Variants in DHRSX observed in about 807,000 individuals in gnomAD.
DHRSX encodes the protein polyprenol dehydrogenase.
In DHRSX, 31 loss-of-function variants were observed where a neutral mutation model predicts 34.0. The ratio of observed to expected loss-of-function variants is 0.91; its 90% CI spans 0.69 to 1.23. The LOEUF (loss-of-function observed/expected upper bound fraction) is 1.23, where lower values mean the gene tolerates loss of function less well. Ranked by LOEUF, DHRSX falls within the 50% of genes most tolerant of loss-of-function variation. The pLI is 0.00. For missense variants in DHRSX, 414 were observed against 428.1 expected (o/e 0.97, Z 0.29); for synonymous variants, 201 against 183.8 (o/e 1.09, Z -0.76).
chrX:2,369,255 G>A (rs1467787911), intron 3 of DHRSX, among the ~76,000 whole-genome samples: 1 of 152,196 alleles, frequency 6.6e-6, no homozygotes, highest in African/African-American at 2.4e-5. Flanking sequence ...GTCTGAAGAT[G>A]GGTGATACCA....
chrX:2,249,866 A>G (rs1190883862), intron 5 of DHRSX, among the ~76,000 whole-genome samples: 2 of 151,698 alleles, frequency 1.3e-5, no homozygotes, highest in Non-Finnish European at 2.9e-5. Flanking sequence ...AATTGATCTT[A>G]AAAAAATAAA....
At chrX:2,317,981 A>G (rs749144472) in intron 3 of DHRSX, among the ~76,000 whole-genome samples, 1 of 152,178 alleles carries the variant, frequency 6.6e-6, no homozygotes, top group African/African-American at 2.4e-5. Context: ...TTTCCTTATG[A>G]GCAATTTGTG....
chrX:2,449,823 G>A (rs1438136420), intron 1 of DHRSX, among the ~76,000 whole-genome samples: 1 of 152,056 alleles, frequency 6.6e-6, no homozygotes, highest in Non-Finnish European at 1.5e-5. Context: ...TCTATTTTTA[G>A]TAGAGATGGA....
At chrX:2,259,333 TATATATAGATATAG>T (rs2041325160) in intron 5 of DHRSX, among the ~76,000 whole-genome samples, 1 of 145,540 alleles carries the variant, frequency 6.9e-6, no homozygotes, top group African/African-American at 2.5e-5. Flanking sequence ...TAGATATAGA[TATATATAGATATAG>T]ATATATAGAT....
intron 3 of DHRSX, among the ~76,000 whole-genome samples, chrX:2,357,190 G>C (rs1008006926): frequency 2.6e-5 from 4 of 152,092 alleles, no homozygotes; most frequent in Non-Finnish European, 5.9e-5. Context: ...ATTGCAGTGA[G>C]CTAAGATCAC....
At chrX:2,301,548 T>A (rs1336054730) in intron 3 of DHRSX, among the ~76,000 whole-genome samples, 1 of 152,208 alleles carries the variant, frequency 6.6e-6, no homozygotes, top group Non-Finnish European at 1.5e-5. Flanking sequence ...ATGAGAGGGA[T>A]GGGCCATGAC....
intron 2 of DHRSX, among the ~76,000 whole-genome samples, chrX:2,411,018 G>A (rs1452463018): frequency 6.6e-6 from 1 of 152,090 alleles, no homozygotes; most frequent in Non-Finnish European, 1.5e-5. Flanking sequence ...TCAGGGAGGT[G>A]GGTTTCGACG....
At chrX:2,453,343 G>A (rs929558313) in intron 1 of DHRSX, among the ~76,000 whole-genome samples, 3 of 151,516 alleles carry the variant, frequency 2.0e-5, no homozygotes, top group African/African-American at 4.8e-5. Context: ...AGATAAGCCT[G>A]GGCAACAGAA....
intron 3 of DHRSX, among the ~76,000 whole-genome samples, chrX:2,395,692 C>CA (rs1245830006): frequency 2.0e-5 from 3 of 152,086 alleles, no homozygotes; most frequent in African/African-American, 7.2e-5. Flanking sequence ...GCCAACACTT[C>CA]AGAGTGACAC....
chrX:2,328,630 A>G (rs1440588686), intron 3 of DHRSX, among the ~76,000 whole-genome samples: 1 of 152,118 alleles, frequency 6.6e-6, no homozygotes, highest in Non-Finnish European at 1.5e-5. Flanking sequence ...GGTGTCTACA[A>G]GCCCAGCAGA....
chrX:2,231,435 C>T (rs1182613453), intron 6 of DHRSX, among the ~76,000 whole-genome samples: 18 of 151,648 alleles, frequency 1.2e-4, no homozygotes, highest in Non-Finnish European at 1.2e-4. Flanking sequence ...TCCTTTTTCT[C>T]TTTTTCTCTC....
chrX:2,371,919 T>G (rs2043077512), intron 3 of DHRSX, among the ~76,000 whole-genome samples: 1 of 152,142 alleles, frequency 6.6e-6, no homozygotes, highest in Non-Finnish European at 1.5e-5. Context: ...TGCAGGAAAG[T>G]CCATATCTTC....
At chrX:2,272,915 T>G (rs1373587960) in intron 4 of DHRSX, among the ~76,000 whole-genome samples, 2 of 152,168 alleles carry the variant, frequency 1.3e-5, no homozygotes, top group African/African-American at 4.8e-5. Context: ...AGCAGATCAT[T>G]TGTTCGATCC....
intron 2 of DHRSX, among the ~76,000 whole-genome samples, chrX:2,413,515 A>G (rs2043656920): frequency 6.6e-6 from 1 of 152,244 alleles, no homozygotes; most frequent in Admixed American, 6.5e-5. Flanking sequence ...ATGGAAACAT[A>G]TATCAAAACC....
chrX:2,436,753 C>T (rs1327702199), intron 1 of DHRSX, among the ~76,000 whole-genome samples: 1 of 151,686 alleles, frequency 6.6e-6, no homozygotes, highest in African/African-American at 2.4e-5. Context: ...TGCCTCAGTC[C>T]CCCAAGTAGC....
rs768710073 is a variant in DHRSX, at chrX:2,275,343, C to CAAA, written c.389-8399_389-8397dup. ...TGAAACCCCGTCTCTACTAAAAATA[C>CAAA]AAAAAAAAAAAAAAAATTAGCTGAG... is the stretch of plus-strand genomic sequence containing the variant. On this transcript the variant is annotated intron_variant, in intron 4 of 6. Transcript: ENST00000334651. Among the ~76,000 whole-genome samples the CAAA allele has an allele frequency of 4.2e-4, 53 of 127,332 alleles. 1 individual carries two copies. Among genetic ancestry groups the CAAA allele is most frequent in the African/African-American group, 1.4e-3 (50 of 35,818 alleles). 83.5% of individuals were successfully genotyped at this position (127,332 alleles called of 152,430 possible).
At chrX:2,471,015 T>C (rs1254686361) in intron 1 of DHRSX, among the ~76,000 whole-genome samples, 3 of 152,226 alleles carry the variant, frequency 2.0e-5, no homozygotes, top group African/African-American at 7.2e-5. Context: ...ACTAGCTTGA[T>C]TTAATCATTG....
chrX:2,246,794 A>C (rs1270738807), intron 5 of DHRSX, among the ~76,000 whole-genome samples: 3 of 152,108 alleles, frequency 2.0e-5, no homozygotes, highest in African/African-American at 7.2e-5. Context: ...TAAATGAAGT[A>C]AACTTTGACC....
intron 1 of DHRSX, among the ~76,000 whole-genome samples, chrX:2,455,966 G>A (rs926803380): frequency 1.3e-5 from 2 of 151,942 alleles, no homozygotes; most frequent in African/African-American, 2.4e-5. Flanking sequence ...ACAAATCCCC[G>A]AGACTTAATA....
Sources: gnomAD v4.1 joint callset for allele counts (sites outside exome capture counted in the v4.1 genomes callset) on GRCh38, gnomAD v4.1.1 for gene constraint, MANE v1.5 for transcripts, NCBI Gene and HGNC (gene_info 2026-07-23, HGNC 2026-07-21) for gene names.